VPS50: variants seen among roughly 807,000 people sequenced by gnomAD.
VPS50 encodes VPS50 subunit of EARP/GARPII complex.
In VPS50, 70 loss-of-function variants were observed where a neutral mutation model predicts 139.7. The ratio of observed to expected loss-of-function variants is 0.50; its 90% CI spans 0.41 to 0.61. VPS50 has a LOEUF of 0.61. Among genes scored for constraint, VPS50 ranks in the 20% least tolerant of loss-of-function variants. VPS50 has a pLI of 0.00. For missense variants in VPS50, 921 were observed against 1,133.7 expected (o/e 0.81, Z 2.69); for synonymous variants, 365 against 376.7 (o/e 0.97, Z 0.36).
At chr7:93,347,823 T>C (rs1198403979) in intron 23 of VPS50, among the ~76,000 whole-genome samples, 1 of 100,654 alleles carries the variant, frequency 9.9e-6, no homozygotes, top group Admixed American at 1.4e-4. Flanking sequence ...CTGGGGACTG[T>C]TGTGGGGTGG....
intron 23 of VPS50, among the ~76,000 whole-genome samples, chr7:93,348,185 C>T (rs1798458323): frequency 6.6e-6 from 1 of 152,138 alleles, no homozygotes; most frequent in Admixed American, 6.5e-5. Flanking sequence ...CAGGCTCCTT[C>T]ACCAGCCCAC....
chr7:93,306,404 T>C (rs1420586477), intron 18 of VPS50, among the ~76,000 whole-genome samples: 2 of 151,976 alleles, frequency 1.3e-5, no homozygotes, highest in Admixed American at 6.6e-5. Context: ...TTTTGTTCCA[T>C]GTCCCTTTAT....
chr7:93,358,253 T>C (rs541296531), intron 27 of VPS50, 64 bp from the exon 28 acceptor site: 9 of 1,484,016 alleles, frequency 6.1e-6, no homozygotes, highest in Admixed American at 3.4e-5. Context: ...GCCTGTTCTT[T>C]TGTTGCACTG....
intron 18 of VPS50, among the ~76,000 whole-genome samples, chr7:93,308,118 A>AGATGAT (rs59549693): frequency 5.2e-4 from 78 of 150,312 alleles, no homozygotes; most frequent in Admixed American, 2.1e-3. Flanking sequence ...TGACATTAAT[A>AGATGAT]GATGATGATG....
At chr7:93,287,047 A>G (rs1220540396) in intron 12 of VPS50, among the ~76,000 whole-genome samples, 5 of 149,272 alleles carry the variant, frequency 3.3e-5, no homozygotes, top group African/African-American at 9.8e-5. Flanking sequence ...TTTTCCTTAA[A>G]CTATTTATTG....
intron 9 of VPS50, among the ~76,000 whole-genome samples, chr7:93,261,500 A>AC (rs1343944210): frequency 4.6e-5 from 7 of 151,824 alleles, no homozygotes; most frequent in Non-Finnish European, 1.0e-4. Context: ...ACACGGTGAA[A>AC]CCCCGTCTCT....
Position 93,271,235 on chromosome 7 carries a change from G to A in VPS50, c.675G>A (p.Lys225=), listed in dbSNP as rs764623180. ...TTTTTAATAGTGAACTGAATTCAAA[G>A]CTGCAAGATACTTTGGAACAGATTG... ...HYSCISELNS[K]LQDTLEQIEE... The change falls in exon 10 of 28, where the codon AAG becomes AAA. Residue 225 remains lysine (K), a synonymous_variant. Transcript: ENST00000305866. 2.6e-6 allele frequency: 4 copies of A among 1,559,344 alleles called. No homozygotes were observed. The Admixed American group carries it at 8.4e-5, about 33-fold the overall frequency.
chr7:93,322,014 G>GA (rs1797627425), intron 20 of VPS50, among the ~76,000 whole-genome samples: 1 of 152,080 alleles, frequency 6.6e-6, no homozygotes, highest in African/African-American at 2.4e-5. Context: ...TTTCAAATGT[G>GA]ATTTTTCAAA....
chr7:93,245,048 C>G lies in VPS50; in HGVS notation c.102+5114C>G, dbSNP rs143847621. On this transcript the variant is annotated intron_variant, in intron 2 of 27. Transcript: ENST00000305866. ...CAGAGAGGTACAAGACTGTTCCTAA[C>G]TCAACCTGAGTGGGGGAGACAAGCA... is the stretch of plus-strand genomic sequence containing the variant. Among the ~76,000 whole-genome samples, 31 of 151,958 alleles carry G rather than the reference C, an allele frequency of 2.0e-4. No homozygotes were observed. In the East Asian group the frequency reaches 5.4e-3, roughly 26 times the overall value.
intron 1 of VPS50, 79 bp from the exon 2 acceptor site, chr7:93,239,787 C>T (rs1230107550): frequency 6.3e-6 from 5 of 788,176 alleles, no homozygotes; most frequent in Admixed American, 4.4e-5. Flanking sequence ...GTGGTCATTT[C>T]TGTTTCAGTA....
chr7:93,351,552 A>G (rs1798560283), intron 25 of VPS50, among the ~76,000 whole-genome samples: 1 of 152,152 alleles, frequency 6.6e-6, no homozygotes, highest in Non-Finnish European at 1.5e-5. Context: ...TTTGGTGTCT[A>G]GTGAAGGTTT....
At chr7:93,281,262 C>T (rs1045524752) in intron 12 of VPS50, among the ~76,000 whole-genome samples, 2 of 152,094 alleles carry the variant, frequency 1.3e-5, no homozygotes, top group African/African-American at 4.8e-5. Flanking sequence ...TTTTTTGATA[C>T]TGAATTATAA....
chr7:93,326,001 T>C (rs1797758721), intron 21 of VPS50, among the ~76,000 whole-genome samples: 1 of 152,024 alleles, frequency 6.6e-6, no homozygotes, highest in African/African-American at 2.4e-5. Context: ...TGCACACGTA[T>C]GTTTATTGTG....
chr7:93,255,416 G>T (rs1274707748), intron 4 of VPS50, among the ~76,000 whole-genome samples: 1 of 152,166 alleles, frequency 6.6e-6, no homozygotes, highest in Admixed American at 6.5e-5. Flanking sequence ...AGCTCAGGTT[G>T]TAATGCAAGT....
At chr7:93,349,769 GTTTTA>G in intron 24 of VPS50, 101 bp from the exon 25 acceptor site, 2 of 776,832 alleles carry the variant, frequency 2.6e-6, no homozygotes, top group Middle Eastern at 5.4e-4. Flanking sequence ...AATATATAGT[GTTTTA>G]TTTTCAGATA....
intron 21 of VPS50, among the ~76,000 whole-genome samples, chr7:93,328,497 G>C (rs755281358): frequency 7.9e-5 from 12 of 152,120 alleles, no homozygotes; most frequent in Non-Finnish European, 1.6e-4. Context: ...ACCCTTTCTA[G>C]ATAAGATTTC....
intron 20 of VPS50, among the ~76,000 whole-genome samples, chr7:93,311,991 T>C (rs1797282817): frequency 6.6e-6 from 1 of 152,174 alleles, no homozygotes; most frequent in African/African-American, 2.4e-5. Flanking sequence ...AATCTCTATA[T>C]TCTATCTATG....
chr7:93,355,962 T>A lies in VPS50; in HGVS notation c.2657T>A (p.Met886Lys). The A allele has an allele frequency of 6.2e-7, 1 of 1,602,138 alleles. No homozygotes were observed. The highest frequency in any genetic ancestry group is 8.5e-7 in the Non-Finnish European group (1 of 1,170,578). ...CAATTGGATTTTCAACAGTTTTTAA[T>A]GAAACTTGAAAAACTAACAGATATT... is the stretch of plus-strand genomic sequence containing the variant. ...LMQLDFQQFL[M>K]KLEKLTDIRP... The change falls in exon 27 of 28, where the codon ATG (methionine) becomes AAG (lysine). Residue 886 changes from methionine to lysine, a missense_variant. This residue lies in a region of VPS50 where 158 missense variants were observed against 156.3 expected (regional missense o/e 1.01). Transcript: ENST00000305866.
At chr7:93,351,906 T>C (rs1026707028) in intron 25 of VPS50, among the ~76,000 whole-genome samples, 1 of 152,210 alleles carries the variant, frequency 6.6e-6, no homozygotes, top group Non-Finnish European at 1.5e-5. Context: ...CTCGTGTTAC[T>C]CAGAGTATTA....
Sources: allele counts gnomAD v4.1 joint callset (sites outside exome capture counted in the v4.1 genomes callset), GRCh38; gene constraint gnomAD v4.1.1; regional missense constraint gnomAD v4.1.1; transcripts MANE v1.5; gene names NCBI Gene and HGNC (gene_info 2026-07-23, HGNC 2026-07-21).